The following STX18 variants were observed in gnomAD, a reference collection of about 807,000 sequenced individuals.
STX18 encodes the protein syntaxin 18.
A neutral mutation model predicts 50.1 loss-of-function variants in STX18; 40 were observed. That is an observed-to-expected ratio of 0.80 (90% confidence interval 0.62 to 1.04). STX18 has a LOEUF of 1.04. Among genes scored for constraint, STX18 ranks in the 50% least tolerant of loss-of-function variants. The probability of loss-of-function intolerance (pLI) is 0.00; values close to 1 mark genes in which losing one functional copy is unlikely to be tolerated. For synonymous variants in STX18, 158 were observed against 151.8 expected, an observed-to-expected ratio of 1.04 and a Z score of -0.30; for missense variants, 410 against 415.8, an observed-to-expected ratio of 0.99 and a Z score of 0.12.
chr4:4,485,656 A>G (rs6446652), intron 1 of STX18, among the ~76,000 whole-genome samples: 52,275 of 151,938 alleles, frequency 0.34, 12,828 homozygotes, highest in African/African-American at 0.7. Flanking sequence ...GCCCCATCTC[A>G]CCCTCACCCC....
intron 1 of STX18, among the ~76,000 whole-genome samples, chr4:4,518,613 G>C (rs1730383290): frequency 1.3e-5 from 2 of 151,502 alleles, no homozygotes; most frequent in South Asian, 2.1e-4. Flanking sequence ...AAAACATAAG[G>C]GTTTTTAAAA....
chr4:4,507,723 T>A (rs1234128818), intron 1 of STX18: 1 of 1,232,678 alleles, frequency 8.1e-7, no homozygotes, highest in Non-Finnish European at 1.2e-6. Context: ...CTTTTTCTGG[T>A]GTCTCTAAGA....
chr4:4,525,221 C>G (rs1470524462), intron 1 of STX18, among the ~76,000 whole-genome samples: 3 of 152,064 alleles, frequency 2.0e-5, no homozygotes, highest in Admixed American at 6.5e-5. Flanking sequence ...AAAGCAAATC[C>G]TAGAGGCAAT....
intron 7 of STX18, among the ~76,000 whole-genome samples, chr4:4,427,552 A>G (rs969834774): frequency 5.3e-5 from 8 of 152,134 alleles, no homozygotes; most frequent in Non-Finnish European, 1.0e-4. Context: ...ATTTTCTTGA[A>G]TTTTTCTAAT....
Position 4,541,991 on chromosome 4 carries a change from T to C in STX18, c.-27A>G. 6.4e-7 allele frequency: 1 copy of C among 1,557,118 alleles called. No individual in the cohort carries two copies. ...GCGACCCGCACCCTCAGCCCCACACTAGGCCCGCCCACGTAAGCAGCCGGC... is the reference window on the plus strand; with the variant it reads ...GCGACCCGCACCCTCAGCCCCACACCAGGCCCGCCCACGTAAGCAGCCGGC... On this transcript the variant is annotated 5_prime_UTR_variant, in exon 1 of 11. Transcript: ENST00000306200.
chr4:4,449,150 G>A (rs1441812373), intron 5 of STX18, among the ~76,000 whole-genome samples: 1 of 149,092 alleles, frequency 6.7e-6, no homozygotes, highest in Non-Finnish European at 1.5e-5. Context: ...GGGCTTAAGC[G>A]ATCCTCCCAC....
intron 7 of STX18, among the ~76,000 whole-genome samples, chr4:4,431,432 C>T (rs935577069): frequency 6.6e-6 from 1 of 152,188 alleles, no homozygotes; most frequent in African/African-American, 2.4e-5. Flanking sequence ...GATCCAATCC[C>T]TCTTTACATT....
At chr4:4,473,062 G>A (rs1285668959) in intron 1 of STX18, among the ~76,000 whole-genome samples, 1 of 152,100 alleles carries the variant, frequency 6.6e-6, no homozygotes, top group African/African-American at 2.4e-5. Context: ...CACGTACATG[G>A]CCTATTTCTC....
At chr4:4,473,403 C>T (rs1352414180) in intron 1 of STX18, among the ~76,000 whole-genome samples, 2 of 151,598 alleles carry the variant, frequency 1.3e-5, no homozygotes, top group African/African-American at 4.9e-5. Flanking sequence ...CGTCATTCTC[C>T]TGCCTCAGCC....
At chr4:4,496,941 C>G (rs914676095) in intron 1 of STX18, among the ~76,000 whole-genome samples, 1 of 152,218 alleles carries the variant, frequency 6.6e-6, no homozygotes, top group Non-Finnish European at 1.5e-5. Flanking sequence ...AAGGCCAGGA[C>G]AAACTAGCCT....
In STX18 at chr4:4,451,677, C is replaced by T. The variant is rs538604111; in HGVS notation, c.497+5514G>A. Among the ~76,000 whole-genome samples, 29 of 152,306 alleles carry T rather than the reference C, an allele frequency of 1.9e-4. 1 individual carries two copies. The highest frequency in any genetic ancestry group is 6.3e-4 in the African/African-American group (26 of 41,570). The stretch of plus-strand genomic sequence containing the variant: ...AACTGTTTTGGAGTGCCACAAAGCA[C>T]GTTCACATAAGACAGCGTACTTCAT... On this transcript the variant is annotated intron_variant, in intron 5 of 10. Transcript: ENST00000306200.
intron 7 of STX18, among the ~76,000 whole-genome samples, chr4:4,432,196 G>A (rs1725552059): frequency 6.6e-6 from 1 of 152,218 alleles, no homozygotes; most frequent in Non-Finnish European, 1.5e-5. Flanking sequence ...AGGAAAGTCA[G>A]GGCTAATGGT....
chr4:4,423,679 G>C (rs537550882), intron 8 of STX18, 92 bp from the exon 9 acceptor site: 4 of 1,264,018 alleles, frequency 3.2e-6, no homozygotes, highest in Non-Finnish European at 3.3e-6. Flanking sequence ...TATCTTCTAC[G>C]TGAAGGTGGG....
chr4:4,530,549 T>C (rs867322561), intron 1 of STX18, among the ~76,000 whole-genome samples: 5 of 152,116 alleles, frequency 3.3e-5, no homozygotes, highest in African/African-American at 9.7e-5. Flanking sequence ...TATTGTATTA[T>C]TAAGGCTGCT....
At chr4:4,514,433 G>A (rs1465166949) in intron 1 of STX18, among the ~76,000 whole-genome samples, 8 of 152,044 alleles carry the variant, frequency 5.3e-5, no homozygotes, top group Middle Eastern at 3.4e-3. Flanking sequence ...CAGTTATTTC[G>A]TTATGGCAAA....
intron 1 of STX18, among the ~76,000 whole-genome samples, chr4:4,476,299 T>C (rs1259255535): frequency 6.6e-6 from 1 of 152,144 alleles, no homozygotes; most frequent in East Asian, 1.9e-4. Flanking sequence ...GAACTGTAGA[T>C]AAAAGAAAAA....
At chr4:4,540,138 T>G (rs1295094881) in intron 1 of STX18, among the ~76,000 whole-genome samples, 1 of 152,050 alleles carries the variant, frequency 6.6e-6, no homozygotes, top group East Asian at 1.9e-4. Context: ...ACCAAGGTAG[T>G]TTTTTAAAAG....
At chr4:4,454,656 C>G (rs1407665181) in intron 5 of STX18, among the ~76,000 whole-genome samples, 1 of 152,200 alleles carries the variant, frequency 6.6e-6, no homozygotes, top group Admixed American at 6.5e-5. Flanking sequence ...GGACTGCTTT[C>G]TATCTCTCTA....
At chr4:4,520,540 GAACA>G (rs1217145065) in intron 1 of STX18, among the ~76,000 whole-genome samples, 4 of 152,142 alleles carry the variant, frequency 2.6e-5, no homozygotes, top group Non-Finnish European at 4.4e-5. Context: ...TAGATGTAAA[GAACA>G]AATAGCCACT....
Sources: gnomAD v4.1 joint callset for allele counts (sites outside exome capture counted in the v4.1 genomes callset) on GRCh38, gnomAD v4.1.1 for gene constraint, MANE v1.5 for transcripts, NCBI Gene and HGNC (gene_info 2026-07-23, HGNC 2026-07-21) for gene names.